Variants in CLTRN observed in about 807,000 individuals in gnomAD.
The protein encoded by CLTRN is collectrin.
In CLTRN, 12 loss-of-function variants were observed where a neutral mutation model predicts 14.5. The observed-to-expected ratio is 0.83, with a 90% CI of 0.53 to 1.34. CLTRN has a LOEUF of 1.34. Ranked by LOEUF, CLTRN falls within the 40% of genes most tolerant of loss-of-function variation. CLTRN has a pLI of 0.00. For missense variants in CLTRN, 154 were observed against 165.1 expected, an observed-to-expected ratio of 0.93 and a Z score of 0.37; for synonymous variants, 58 against 56.5, an observed-to-expected ratio of 1.03 and a Z score of -0.12.
At chrX:15,646,666 T>A (rs1324461242) in intron 3 of CLTRN, 4 of 339,517 alleles carry the variant, frequency 1.2e-5, no homozygotes, top group African/African-American at 1.1e-4. Context: ...CGCATCCGCG[T>A]CCTGAGAGAG....
At chrX:15,656,087 C>G (rs1182091284) in intron 3 of CLTRN, among the ~76,000 whole-genome samples, 1 of 112,016 alleles carries the variant, frequency 8.9e-6, no homozygotes, top group African/African-American at 3.2e-5. Flanking sequence ...CAAGCCCACA[C>G]CCTCAGCCTC....
chrX:15,654,668 C>T, intron 3 of CLTRN, among the ~76,000 whole-genome samples: 1 of 112,464 alleles, frequency 8.9e-6, no homozygotes. Context: ...CATTTAATAT[C>T]AGAAATTGTG....
chrX:15,652,934 A>G (rs959066178), intron 3 of CLTRN, among the ~76,000 whole-genome samples: 3 of 111,071 alleles, frequency 2.7e-5, no homozygotes, highest in Non-Finnish European at 3.8e-5. Context: ...TACAAAAATT[A>G]GCCAGGCGTT....
rs769996991 is a variant in CLTRN at position 15,632,808 on chromosome X, C to T, written c.513-4681G>A. On this transcript the variant is annotated intron_variant, in intron 5 of 5. Coordinates refer to ENST00000380342, the MANE Select transcript of CLTRN (RefSeq NM_020665.6). Reference sequence around the variant, plus strand: ...CCGAGGCAGGAGAATGGTGTGAACCCGGGAGGCGGAGCTTGCAGTGAGCCA... The same window carrying T: ...CCGAGGCAGGAGAATGGTGTGAACCTGGGAGGCGGAGCTTGCAGTGAGCCA... Among the ~76,000 whole-genome samples the T allele has an allele frequency of 1.4e-4, 14 of 101,477 alleles. No individual in the cohort carries two copies. The East Asian group carries it at 3.7e-3, about 27-fold the overall frequency. 88.1% of individuals were successfully genotyped at this position (101,477 alleles called of 115,157 possible). A position where few individuals can be genotyped will look rare whatever the true frequency, so the allele number is the denominator to read the frequency against.
At chrX:15,631,858 A>G (rs1197216510) in intron 5 of CLTRN, among the ~76,000 whole-genome samples, 5 of 112,223 alleles carry the variant, frequency 4.5e-5, no homozygotes, top group Admixed American at 9.4e-5. Context: ...TCACTTTGTC[A>G]CATTTCATAG....
chrX:15,627,989 C>T lies in CLTRN; in HGVS notation c.651G>A (p.Glu217=). 9.6e-7 allele frequency: 1 copy of T among 1,044,828 alleles called. No homozygotes were observed. 86.1% of individuals were successfully genotyped at this position (1,044,828 alleles called of 1,213,427 possible). ...HINDAFMTED[E]RLTPL is the part of the protein sequence containing the mutation. ...CAGCCCTTCAGAGAGGGGTGAGCCTCTCATCCTCTGTCATGAAGGCATCAT... is the reference window on the plus strand; with the variant it reads ...CAGCCCTTCAGAGAGGGGTGAGCCTTTCATCCTCTGTCATGAAGGCATCAT... The change falls in exon 6 of 6, where the codon GAG becomes GAA. Residue 217 remains glutamate (E), a synonymous_variant. Transcript: ENST00000380342.
upstream of CLTRN, among the ~76,000 whole-genome samples, chrX:15,667,476 T>C (rs994985744): frequency 1.1e-4 from 12 of 112,003 alleles, no homozygotes; most frequent in Non-Finnish European, 1.7e-4. Context: ...AAAAGAGCAA[T>C]AGAAATTCTT....
chrX:15,673,954 C>T (rs994321447), intron 1 of CLTRN, among the ~76,000 whole-genome samples: 2 of 112,447 alleles, frequency 1.8e-5, no homozygotes, highest in African/African-American at 6.5e-5. Flanking sequence ...GAACAACAAA[C>T]CAGCACTTAT....
chrX:15,657,378 T>C (rs1929398410), intron 3 of CLTRN, among the ~76,000 whole-genome samples: 2 of 112,287 alleles, frequency 1.8e-5, no homozygotes, highest in Admixed American at 9.4e-5. Context: ...TGCTCCAGAT[T>C]CTGAAGGAAG....
intron 3 of CLTRN, chrX:15,646,631 C>A: frequency 5.8e-6 from 2 of 341,954 alleles, no homozygotes; most frequent in Non-Finnish European, 1.2e-5. Context: ...CCCGCATCCG[C>A]ATCCGGAGAG....
At chrX:15,662,790 G>A (rs1482247029) in intron 2 of CLTRN, among the ~76,000 whole-genome samples, 3 of 111,051 alleles carry the variant, frequency 2.7e-5, no homozygotes, top group African/African-American at 6.6e-5. Flanking sequence ...TTTTTCAGTC[G>A]CCTTCTGGCT....
chrX:15,670,522 T>C (rs1178575589), intron 1 of CLTRN, among the ~76,000 whole-genome samples: 2 of 111,875 alleles, frequency 1.8e-5, no homozygotes, highest in Admixed American at 9.5e-5. Flanking sequence ...ATTTATACAA[T>C]GTTTTCAGTA....
chrX:15,636,178 C>CCAG (rs762154959), intron 5 of CLTRN, among the ~76,000 whole-genome samples: 8 of 112,353 alleles, frequency 7.1e-5, no homozygotes, highest in Non-Finnish European at 1.3e-4. Flanking sequence ...TCCATATGAT[C>CCAG]CAGCAATCCC....
intron 1 of CLTRN, among the ~76,000 whole-genome samples, chrX:15,672,939 T>C (rs1929744426): frequency 8.9e-6 from 1 of 112,249 alleles, no homozygotes; most frequent in African/African-American, 3.2e-5. Context: ...AATGCTACCC[T>C]GAATTAAACC....
chrX:15,635,278 A>G (rs767954412), intron 5 of CLTRN, among the ~76,000 whole-genome samples: 1 of 111,392 alleles, frequency 9.0e-6, no homozygotes, highest in Admixed American at 9.5e-5. Context: ...AGAATTTTTC[A>G]GCCTTGATGG....
chrX:15,656,798 C>G (rs892602685), intron 3 of CLTRN, among the ~76,000 whole-genome samples: 5 of 110,630 alleles, frequency 4.5e-5, no homozygotes. Flanking sequence ...AATTCATCCC[C>G]TTGATAGCAG....
chrX:15,658,979 G>T, intron 3 of CLTRN, 37 bp downstream of exon 3: 1 of 823,184 alleles, frequency 1.2e-6, no homozygotes, highest in Non-Finnish European at 1.8e-6. Flanking sequence ...AAATAATACT[G>T]TAAATAATCA....
chrX:15,632,883 CAAAAAAAAAAAA>C (rs758319942), intron 5 of CLTRN, among the ~76,000 whole-genome samples: 3 of 43,703 alleles, frequency 6.9e-5, no homozygotes, highest in Non-Finnish European at 1.2e-4. Context: ...GACTCTGTCT[CAAAAAAAAAAAA>C]AAAAAAAAAA....
intron 5 of CLTRN, among the ~76,000 whole-genome samples, chrX:15,636,219 C>A (rs1226691756): frequency 8.9e-6 from 1 of 112,253 alleles, no homozygotes; most frequent in African/African-American, 3.2e-5. Context: ...AGAATTGAAA[C>A]CATTATGTCA....
Sources: allele counts gnomAD v4.1 joint callset (sites outside exome capture counted in the v4.1 genomes callset), GRCh38; gene constraint gnomAD v4.1.1; transcripts MANE v1.5; gene names NCBI Gene and HGNC (gene_info 2026-07-23, HGNC 2026-07-21).